The following FNDC3A variants were observed in gnomAD, a reference collection of about 807,000 sequenced individuals.
FNDC3A encodes the protein fibronectin type-III domain-containing protein 3A.
A neutral mutation model predicts 148.9 loss-of-function variants in FNDC3A; 32 were observed. The ratio of observed to expected loss-of-function variants is 0.21; its 90% CI spans 0.16 to 0.29. FNDC3A has a LOEUF of 0.29. FNDC3A is among the 10% of genes least tolerant of loss of function. FNDC3A has a pLI of 1.00. For synonymous variants in FNDC3A, 472 were observed against 473.6 expected, an observed-to-expected ratio of 1.00 and a Z score of 0.04; for missense variants, 1,191 against 1,452.8, an observed-to-expected ratio of 0.82 and a Z score of 2.93.
intron 3 of FNDC3A, among the ~76,000 whole-genome samples, chr13:49,078,529 C>T (rs1441951785): frequency 1.3e-5 from 2 of 152,130 alleles, no homozygotes; most frequent in African/African-American, 4.8e-5. Flanking sequence ...GGGAACCAGA[C>T]AGAAAATAAG....
At chr13:49,065,297 C>G (rs557959009) in intron 2 of FNDC3A, among the ~76,000 whole-genome samples, 4 of 152,162 alleles carry the variant, frequency 2.6e-5, no homozygotes. Flanking sequence ...AGGGAACTTT[C>G]CAAGAGTCAC....
intron 2 of FNDC3A, among the ~76,000 whole-genome samples, chr13:49,065,454 C>A (rs1422167502): frequency 6.6e-6 from 1 of 152,190 alleles, no homozygotes; most frequent in African/African-American, 2.4e-5. Flanking sequence ...ATGTTACATA[C>A]CTATTTATCT....
In FNDC3A at chr13:49,076,021, AC is replaced by A. The variant is rs545508658; in HGVS notation, c.175+660del. 3.8e-4 allele frequency among the ~76,000 whole-genome samples: 58 copies of A among 152,048 alleles called. 1 individual carries two copies. The South Asian group carries it at 8.5e-3, about 22-fold the overall frequency. On this transcript the variant is annotated intron_variant, in intron 3 of 25. Transcript: ENST00000492622. Reference sequence around the variant, plus strand: ...CCTAGTTTATACCTACTAGCCACTCACCCTCACTTATTCATTTATGACAAAC... The same window carrying A: ...CCTAGTTTATACCTACTAGCCACTCACCTCACTTATTCATTTATGACAAAC...
intron 2 of FNDC3A, among the ~76,000 whole-genome samples, chr13:49,053,757 C>T (rs993872770): frequency 5.9e-5 from 9 of 152,116 alleles, no homozygotes; most frequent in Non-Finnish European, 1.0e-4. Context: ...CAATAGATGG[C>T]AAATATTCCC....
rs769903972 is a variant in FNDC3A at position 49,187,172 on chromosome 13, A to G, written c.1807A>G (p.Met603Val). The G allele has an allele frequency of 4.5e-5, 73 of 1,611,488 alleles. No homozygotes were observed. The highest frequency in any genetic ancestry group is 1.2e-4 in the African/African-American group (9 of 74,798). ...AACCATCAATAAATATGTAGTGGAG[A>G]TGGCAGAAGGTTCTAACGGTATGAA... is the stretch of plus-strand genomic sequence containing the variant. Reference protein sequence around the residue: ...GATINKYVVEMAEGSNGNKWE... With the variant: ...GATINKYVVEVAEGSNGNKWE... Residue 603 changes from methionine (M) to valine (V), a missense_variant, in exon 16 of 26, where the codon ATG becomes GTG. By Grantham distance (21) the Met-to-Val change is conservative. Around this residue, in one of 3 missense-constraint regions of FNDC3A, gnomAD observed 751 missense variants for 944.0 expected, o/e 0.80. Coordinates refer to ENST00000492622, the MANE Select transcript of FNDC3A (RefSeq NM_001079673.2).
chr13:49,138,772 T>C lies in FNDC3A; in HGVS notation c.786T>C (p.Phe262=). The C allele has an allele frequency of 6.6e-7, 1 of 1,514,056 alleles. No individual in the cohort carries two copies. The highest frequency in any genetic ancestry group is 2.3e-5 in the East Asian group (1 of 43,934). 93.8% of individuals were successfully genotyped at this position (1,514,056 alleles called of 1,614,324 possible). ...AAAAAGATGAAGAAACTAAAGCATT[T>C]GAAGCACTTCTTTCCAACATTGTCA... is the stretch of plus-strand genomic sequence containing the variant. The part of the protein sequence containing the change: ...IEEKDEETKA[F]EALLSNIVKP... The change falls in exon 7 of 26, where the codon TTT becomes TTC. Residue 262 remains phenylalanine (F), a synonymous_variant. Coordinates refer to ENST00000492622, the MANE Select transcript of FNDC3A (RefSeq NM_001079673.2).
At chr13:48,990,509 T>C (rs139354295) in intron 1 of FNDC3A, among the ~76,000 whole-genome samples, 244 of 144,536 alleles carry the variant, frequency 1.7e-3, no homozygotes, top group African/African-American at 6.1e-3. Flanking sequence ...CCCAGCACTT[T>C]CGGAGGCCAA....
At chr13:49,036,620 G>A (rs537988643) in intron 2 of FNDC3A, among the ~76,000 whole-genome samples, 2 of 152,302 alleles carry the variant, frequency 1.3e-5, no homozygotes, top group South Asian at 4.1e-4. Context: ...CTCTGTAACT[G>A]TAAAAACAGA....
At chr13:49,005,673 A>G (rs981014039) in intron 1 of FNDC3A, among the ~76,000 whole-genome samples, 7 of 151,930 alleles carry the variant, frequency 4.6e-5, no homozygotes, top group Non-Finnish European at 8.8e-5. Context: ...GTGAAAAATC[A>G]TAATTTTTCT....
chr13:49,159,370 CT>C (rs1352716900), intron 8 of FNDC3A, among the ~76,000 whole-genome samples: 1 of 152,096 alleles, frequency 6.6e-6, no homozygotes, highest in African/African-American at 2.4e-5. Context: ...GTATTTTATT[CT>C]CTTTGAAGCA....
chr13:49,114,351 C>T (rs1333426905), intron 3 of FNDC3A, among the ~76,000 whole-genome samples: 2 of 151,678 alleles, frequency 1.3e-5, no homozygotes, highest in African/African-American at 4.8e-5. Context: ...GATTCAAGAC[C>T]CCATTGACTA....
At chr13:49,110,282 T>C (rs965716446) in intron 3 of FNDC3A, 1 of 1,472,658 alleles carries the variant, frequency 6.8e-7, no homozygotes, top group Admixed American at 2.3e-5. Context: ...CAAAGGATCT[T>C]TTCCTCTTAC....
At chr13:49,044,720 T>G (rs1428734194) in intron 2 of FNDC3A, 8 of 305,568 alleles carry the variant, frequency 2.6e-5, no homozygotes, top group Non-Finnish European at 5.3e-5. Flanking sequence ...TTTGAATGGT[T>G]AACAGAACAA....
intron 8 of FNDC3A, among the ~76,000 whole-genome samples, chr13:49,151,372 C>T (rs1246511639): frequency 1.3e-5 from 2 of 152,020 alleles, no homozygotes; most frequent in Admixed American, 6.5e-5. Context: ...GACATAAAGT[C>T]TGTTTTATCT....
At chr13:49,084,891 C>G (rs1346966245) in intron 3 of FNDC3A, among the ~76,000 whole-genome samples, 1 of 152,006 alleles carries the variant, frequency 6.6e-6, no homozygotes, top group Non-Finnish European at 1.5e-5. Context: ...TCTACTGTCC[C>G]CTCATTAAAG....
intron 23 of FNDC3A, among the ~76,000 whole-genome samples, chr13:49,199,546 T>TC (rs989619319): frequency 1.3e-4 from 20 of 151,990 alleles, no homozygotes; most frequent in Admixed American, 2.6e-4. Context: ...CAGGATGGTC[T>TC]CCATCTCCTG....
chr13:49,000,047 G>A (rs1038514131), intron 1 of FNDC3A, among the ~76,000 whole-genome samples: 1 of 152,094 alleles, frequency 6.6e-6, no homozygotes, highest in Non-Finnish European at 1.5e-5. Flanking sequence ...TCTTTACTCT[G>A]TTGATTGTGT....
At chr13:48,988,548 A>G (rs1254244562) in intron 1 of FNDC3A, among the ~76,000 whole-genome samples, 2 of 152,236 alleles carry the variant, frequency 1.3e-5, no homozygotes, top group Non-Finnish European at 2.9e-5. Context: ...ATAATTTAAA[A>G]GCTTGTAGTA....
chr13:49,203,888 T>C (rs1298820104), intron 25 of FNDC3A, among the ~76,000 whole-genome samples: 1 of 152,140 alleles, frequency 6.6e-6, no homozygotes, highest in East Asian at 1.9e-4. Flanking sequence ...AAGGGGCCTA[T>C]AGGTGGTATG....
Sources: gnomAD v4.1 joint callset for allele counts (sites outside exome capture counted in the v4.1 genomes callset) on GRCh38, gnomAD v4.1.1 for gene constraint, gnomAD v4.1.1 regional missense constraint, MANE v1.5 for transcripts, NCBI Gene and HGNC (gene_info 2026-07-23, HGNC 2026-07-21) for gene names.